Variants in KALRN observed in about 807,000 individuals in gnomAD.
KALRN encodes the protein kalirin.
A neutral mutation model predicts 353.7 loss-of-function variants in KALRN; 70 were observed. The ratio of observed to expected loss-of-function variants is 0.20; its 90% CI spans 0.16 to 0.24. The LOEUF is 0.24. Ranked by LOEUF, KALRN falls within the 10% of genes least tolerant of loss-of-function variation. The pLI is 1.00. For missense variants in KALRN, 2,791 were observed against 3,756.7 expected, an observed-to-expected ratio of 0.74 and a Z score of 6.72; for synonymous variants, 1,391 against 1,434.8, an observed-to-expected ratio of 0.97 and a Z score of 0.69.
At chr3:124,113,392 G>A (rs1262843971) in intron 1 of KALRN, among the ~76,000 whole-genome samples, 1 of 152,208 alleles carries the variant, frequency 6.6e-6, no homozygotes, top group Non-Finnish European at 1.5e-5. Flanking sequence ...GTTATAAGGT[G>A]CTCTGGGGAC....
chr3:124,090,741 G>T (rs186500836), intron 1 of KALRN, among the ~76,000 whole-genome samples: 1 of 152,208 alleles, frequency 6.6e-6, no homozygotes, highest in Non-Finnish European at 1.5e-5. Context: ...GGACTGAAGC[G>T]GATGGATCAC....
chr3:124,518,377 G>A, intron 33 of KALRN: 1 of 1,605,428 alleles, frequency 6.2e-7, no homozygotes, highest in South Asian at 1.1e-5. Flanking sequence ...GCAAATCACA[G>A]AGCCCGGCCC....
intron 5 of KALRN, among the ~76,000 whole-genome samples, chr3:124,273,611 A>G (rs957141484): frequency 2.0e-5 from 3 of 152,216 alleles, no homozygotes; most frequent in African/African-American, 7.2e-5. Context: ...TTCCCTTTGC[A>G]TAAACTCTTA....
rs189033675 is a variant in KALRN, at chr3:124,297,752, G to A, written c.970-1039G>A. On this transcript the variant is annotated intron_variant, in intron 5 of 59. Transcript: ENST00000682506. ...AGAGGATTTCTTGGCTCAGGTCCAA[G>A]GAAGTCCAGAGACAAAGTGGAAACC... Among the ~76,000 whole-genome samples, 11 of 152,348 alleles carry A rather than the reference G, an allele frequency of 7.2e-5. No homozygotes were observed. The East Asian group carries it at 2.1e-3, about 29-fold the overall frequency.
At chr3:124,430,809 T>G (rs747391638) in intron 16 of KALRN, 34 bp downstream of exon 16, 1 of 1,604,156 alleles carries the variant, frequency 6.2e-7, no homozygotes, top group Non-Finnish European at 8.5e-7. Context: ...TGTCCTCCCT[T>G]CGCCTTTCTG....
At chr3:124,149,062 G>A (rs2067737665) in intron 1 of KALRN, among the ~76,000 whole-genome samples, 1 of 152,204 alleles carries the variant, frequency 6.6e-6, no homozygotes, top group African/African-American at 2.4e-5. Flanking sequence ...ACTCAGAGCA[G>A]ATAAGTGTTC....
At chr3:124,517,063 T>A (rs2066684255) in intron 33 of KALRN, among the ~76,000 whole-genome samples, 1 of 152,070 alleles carries the variant, frequency 6.6e-6, no homozygotes, top group Non-Finnish European at 1.5e-5. Flanking sequence ...TGATCCGCCC[T>A]CCTCAGCCTC....
intron 1 of KALRN, among the ~76,000 whole-genome samples, chr3:124,184,424 G>A (rs528485020): frequency 4.6e-5 from 7 of 152,316 alleles, no homozygotes; most frequent in African/African-American, 1.4e-4. Context: ...CTCAGTGCTT[G>A]TGTAGTAAGT....
At chr3:124,069,786 C>T (rs2149261424) in intron 1 of KALRN, among the ~76,000 whole-genome samples, 1 of 152,202 alleles carries the variant, frequency 6.6e-6, no homozygotes, top group Non-Finnish European at 1.5e-5. Context: ...AGCTGAAGCT[C>T]AGAGGAAAGG....
chr3:124,177,908 G>C (rs1455519435), intron 1 of KALRN, among the ~76,000 whole-genome samples: 1 of 152,150 alleles, frequency 6.6e-6, no homozygotes, highest in African/African-American at 2.4e-5. Context: ...CTGGGTAATA[G>C]GTGGACTTTA....
chr3:124,271,139 A>C (rs190343128), intron 5 of KALRN, among the ~76,000 whole-genome samples: 18 of 152,204 alleles, frequency 1.2e-4, no homozygotes, highest in South Asian at 8.3e-4. Context: ...CCCTGTTGCC[A>C]GTTTTGGAAA....
intron 10 of KALRN, among the ~76,000 whole-genome samples, chr3:124,378,586 C>G (rs950809820): frequency 6.6e-6 from 1 of 152,050 alleles, no homozygotes; most frequent in Non-Finnish European, 1.5e-5. Context: ...TGCAAATCTG[C>G]TAGTGAAGAA....
intron 1 of KALRN, among the ~76,000 whole-genome samples, chr3:124,119,553 G>A (rs1398358841): frequency 6.6e-6 from 1 of 152,184 alleles, no homozygotes; most frequent in African/African-American, 2.4e-5. Context: ...TGGCTTCCAA[G>A]AGCAGCTTCC....
At chr3:124,455,098 A>C in intron 21 of KALRN, 79 bp from the exon 22 acceptor site, 1 of 1,522,532 alleles carries the variant, frequency 6.6e-7, no homozygotes, top group Non-Finnish European at 9.0e-7. Context: ...TGGCTGCTCT[A>C]AACAGGAAGA....
At chr3:124,642,386 T>C (rs573887555) in intron 37 of KALRN, among the ~76,000 whole-genome samples, 1 of 152,162 alleles carries the variant, frequency 6.6e-6, no homozygotes, top group Non-Finnish European at 1.5e-5. Context: ...CGTAGTTCAC[T>C]GGGCTCAGGA....
intron 55 of KALRN, among the ~76,000 whole-genome samples, chr3:124,699,480 T>G (rs779413104): frequency 1.6e-4 from 25 of 152,254 alleles, no homozygotes; most frequent in Non-Finnish European, 3.1e-4. Flanking sequence ...TCAATACATG[T>G]TACTTTCCAT....
At chr3:124,143,342 G>A (rs886992989) in intron 1 of KALRN, among the ~76,000 whole-genome samples, 1 of 152,160 alleles carries the variant, frequency 6.6e-6, no homozygotes, top group Admixed American at 6.5e-5. Flanking sequence ...AATCCACATG[G>A]TTTATTGAGC....
chr3:124,210,250 A>G (rs1205093471), intron 1 of KALRN, among the ~76,000 whole-genome samples: 1 of 152,220 alleles, frequency 6.6e-6, no homozygotes, highest in East Asian at 1.9e-4. Flanking sequence ...CTCAGTAAAT[A>G]CTAGTTCCCA....
intron 33 of KALRN, among the ~76,000 whole-genome samples, chr3:124,527,686 G>A (rs893967445): frequency 1.8e-4 from 27 of 152,034 alleles, no homozygotes; most frequent in South Asian, 4.2e-4. Flanking sequence ...ATAAGATAGC[G>A]TCTGCCCCAG....
Sources: gnomAD v4.1 joint callset for allele counts (sites outside exome capture counted in the v4.1 genomes callset) on GRCh38, gnomAD v4.1.1 for gene constraint, MANE v1.5 for transcripts, NCBI Gene and HGNC (gene_info 2026-07-23, HGNC 2026-07-21) for gene names.